The following GUCY1A2 variants were observed in gnomAD, a reference collection of about 807,000 sequenced individuals.
GUCY1A2 encodes guanylate cyclase soluble subunit alpha-2.
In GUCY1A2, 27 loss-of-function variants were observed where a neutral mutation model predicts 63.5. That is an observed-to-expected ratio of 0.43 (90% CI 0.31 to 0.59). The LOEUF (loss-of-function observed/expected upper bound fraction) is 0.59, where lower values mean the gene tolerates loss of function less well. GUCY1A2 is among the 20% of genes least tolerant of loss of function. The probability of loss-of-function intolerance (pLI) is 0.11; values close to 1 mark genes in which losing one functional copy is unlikely to be tolerated. For missense variants in GUCY1A2, 768 were observed against 913.3 expected (o/e 0.84, Z 2.05); for synonymous variants, 364 against 343.5 (o/e 1.06, Z -0.66).
At chr11:106,987,338 TA>T (rs1861414781) in intron 1 of GUCY1A2, among the ~76,000 whole-genome samples, 1 of 152,132 alleles carries the variant, frequency 6.6e-6, no homozygotes, top group African/African-American at 2.4e-5. Flanking sequence ...GTGGCTGTCT[TA>T]AAAATATATC....
intron 4 of GUCY1A2, among the ~76,000 whole-genome samples, chr11:106,839,956 T>C (rs1859174043): frequency 6.6e-6 from 1 of 151,790 alleles, no homozygotes; most frequent in Non-Finnish European, 1.5e-5. Flanking sequence ...CATGTATACA[T>C]ATGTAACAAA....
intron 6 of GUCY1A2, among the ~76,000 whole-genome samples, chr11:106,742,960 GTATAAA>G (rs1378019626): frequency 6.6e-6 from 1 of 152,154 alleles, no homozygotes; most frequent in Non-Finnish European, 1.5e-5. Context: ...ATATGGAAAA[GTATAAA>G]TATATTCTTT....
rs766073233 is a variant in GUCY1A2, at chr11:107,017,855, G to C, written c.201C>G (p.Ala67=). The C allele has an allele frequency of 8.0e-7, 1 of 1,252,898 alleles. No individual in the cohort carries two copies. Among genetic ancestry groups the C allele is most frequent in the East Asian group, 3.1e-5 (1 of 31,792 alleles). The allele number at this position is 1,252,898 out of a possible 1,614,324, so 77.6% of individuals were successfully genotyped here. ...AAPAPTPAAS[A]AAAAATAGAR... ...CCCCGGCAGTGGCAGCGGCGGCGGC[G>C]GCAGAAGCAGCCGGGGTCGGGGCCG... The change falls in exon 1 of 8, where the codon GCC becomes GCG. Residue 67 remains alanine (A), a synonymous_variant. Coordinates refer to ENST00000526355, the MANE Select transcript of GUCY1A2 (RefSeq NM_000855.3).
chr11:106,915,513 C>CCAATAAAATCTTGATT (rs1459127432), intron 4 of GUCY1A2, among the ~76,000 whole-genome samples: 11 of 109,968 alleles, frequency 1.0e-4, no homozygotes, highest in South Asian at 3.9e-4. Flanking sequence ...AACTGACAGT[C>CCAATAAAATCTTGATT]TATCAGCAGG....
chr11:106,808,605 T>G (rs896549493), intron 5 of GUCY1A2, among the ~76,000 whole-genome samples: 1 of 151,850 alleles, frequency 6.6e-6, no homozygotes, highest in Admixed American at 6.6e-5. Context: ...TCATTCTCAT[T>G]TAGTTGTATG....
At chr11:106,716,195 G>T (rs990619030) in intron 6 of GUCY1A2, among the ~76,000 whole-genome samples, 38 of 152,148 alleles carry the variant, frequency 2.5e-4, no homozygotes, top group African/African-American at 9.2e-4. Context: ...GGGGAGGGAG[G>T]CAGTTTGTAA....
At chr11:106,933,735 C>T (rs763568591) in intron 4 of GUCY1A2, among the ~76,000 whole-genome samples, 20 of 152,130 alleles carry the variant, frequency 1.3e-4, no homozygotes, top group Admixed American at 1.3e-3. Flanking sequence ...CAATGTAGTA[C>T]ATATATATCA....
At chr11:106,716,092 A>C (rs1475056252) in intron 6 of GUCY1A2, among the ~76,000 whole-genome samples, 1 of 152,178 alleles carries the variant, frequency 6.6e-6, no homozygotes, top group Non-Finnish European at 1.5e-5. Context: ...GGTAAAGTGA[A>C]AATAATGTTC....
At chr11:106,713,873 A>G (rs1055942741) in intron 6 of GUCY1A2, among the ~76,000 whole-genome samples, 1 of 152,060 alleles carries the variant, frequency 6.6e-6, no homozygotes, top group Admixed American at 6.5e-5. Flanking sequence ...ATCTTGTGCA[A>G]TGCATGTTTG....
chr11:106,898,405 T>C (rs1469562167), intron 4 of GUCY1A2, among the ~76,000 whole-genome samples: 5 of 152,332 alleles, frequency 3.3e-5, no homozygotes, highest in Middle Eastern at 6.8e-3. Flanking sequence ...TGGATGTTTA[T>C]AGCAGGTTTA....
At chr11:106,978,524 C>T (rs1565349216) in intron 3 of GUCY1A2, 95 bp downstream of exon 3, 11 of 781,058 alleles carry the variant, frequency 1.4e-5, no homozygotes, top group Non-Finnish European at 2.0e-5. Flanking sequence ...CCATATTCTC[C>T]ACATCTCTCT....
At chr11:106,805,476 C>T (rs7113519) in intron 5 of GUCY1A2, among the ~76,000 whole-genome samples, 21,362 of 152,052 alleles carry the variant, frequency 0.14, 1,541 homozygotes, top group Middle Eastern at 0.18. Flanking sequence ...GAACTCCTGA[C>T]CTCAGGTGAT....
At chr11:106,944,025 G>A (rs920897175) in intron 3 of GUCY1A2, among the ~76,000 whole-genome samples, 2 of 151,388 alleles carry the variant, frequency 1.3e-5, no homozygotes, top group Non-Finnish European at 2.9e-5. Flanking sequence ...TGCCCAACAT[G>A]GTGAAACCCC....
At chr11:106,913,994 A>AC (rs1195758603) in intron 4 of GUCY1A2, among the ~76,000 whole-genome samples, 2 of 142,276 alleles carry the variant, frequency 1.4e-5, no homozygotes, top group Non-Finnish European at 3.0e-5. Context: ...AGCAAAAAAA[A>AC]AAAAAAAAAG....
intron 6 of GUCY1A2, among the ~76,000 whole-genome samples, chr11:106,713,505 T>C (rs975929137): frequency 1.5e-5 from 2 of 132,188 alleles, no homozygotes; most frequent in Admixed American, 7.5e-5. Context: ...TCTTTTTTTT[T>C]TTTTTTTTTT....
At chr11:106,759,999 A>G (rs1864038187) in intron 6 of GUCY1A2, among the ~76,000 whole-genome samples, 2 of 152,090 alleles carry the variant, frequency 1.3e-5, no homozygotes, top group African/African-American at 4.8e-5. Flanking sequence ...AATGCCATGT[A>G]AAGATTGGAT....
At chr11:106,752,582 A>G (rs1863901085) in intron 6 of GUCY1A2, among the ~76,000 whole-genome samples, 2 of 151,610 alleles carry the variant, frequency 1.3e-5, no homozygotes, top group Admixed American at 1.3e-4. Flanking sequence ...TCATTGTTCA[A>G]CTCCCACTTA....
At chr11:106,864,673 CAT>C in intron 4 of GUCY1A2, among the ~76,000 whole-genome samples, 1 of 152,128 alleles carries the variant, frequency 6.6e-6, no homozygotes, top group Non-Finnish European at 1.5e-5. Context: ...TTGAGATAAT[CAT>C]GTGGTTTTTG....
intron 3 of GUCY1A2, among the ~76,000 whole-genome samples, chr11:106,971,907 T>C (rs1224069596): frequency 6.6e-6 from 1 of 152,068 alleles, no homozygotes; most frequent in Non-Finnish European, 1.5e-5. Context: ...TGGAACATCT[T>C]ATAGTGCTGG....
Sources: gnomAD v4.1 joint callset for allele counts (sites outside exome capture counted in the v4.1 genomes callset) on GRCh38, gnomAD v4.1.1 for gene constraint, MANE v1.5 for transcripts, NCBI Gene and HGNC (gene_info 2026-07-23, HGNC 2026-07-21) for gene names.